ZC3H11A: variants seen among roughly 807,000 people sequenced by gnomAD.
The protein encoded by ZC3H11A is zinc finger CCCH domain-containing protein 11A.
A neutral mutation model predicts 90.8 loss-of-function variants in ZC3H11A; 22 were observed. The observed-to-expected ratio is 0.24, with a 90% CI of 0.17 to 0.35. The LOEUF is 0.35. ZC3H11A is among the 10% of genes least tolerant of loss of function. The pLI is 1.00. For synonymous variants in ZC3H11A, 294 were observed against 339.8 expected (o/e 0.87, Z 1.48); for missense variants, 701 against 964.9 (o/e 0.73, Z 3.62).
intron 1 of ZC3H11A, chr1:203,798,294 T>A: frequency 6.5e-7 from 1 of 1,536,172 alleles, no homozygotes. Flanking sequence ...CAAGCATGCT[T>A]TAATTCCTGG....
In ZC3H11A at chr1:203,833,107, C is replaced by T. The variant is rs529706756; in HGVS notation, c.812-684C>T. ...AAATTAGGCTGGGTGTGGTGGCTCA[C>T]GCCTGTAATCCCGGCACTTTGGGAG... On this transcript the variant is annotated intron_variant, in intron 9 of 17. Coordinates refer to ENST00000367210, the MANE Select transcript of ZC3H11A (RefSeq NM_001376342.1). Among the ~76,000 whole-genome samples the T allele has an allele frequency of 2.8e-4, 42 of 152,206 alleles. No homozygotes were observed. The East Asian group carries it at 5.8e-3, about 21-fold the overall frequency.
chr1:203,807,323 T>C (rs1288389445), intron 2 of ZC3H11A, among the ~76,000 whole-genome samples: 1 of 152,234 alleles, frequency 6.6e-6, no homozygotes, highest in Non-Finnish European at 1.5e-5. Flanking sequence ...TCTTGCTCTT[T>C]TGCCCAGGTT....
At chr1:203,843,589 A>G (rs1426102014) in intron 12 of ZC3H11A, among the ~76,000 whole-genome samples, 2 of 152,220 alleles carry the variant, frequency 1.3e-5, no homozygotes, top group African/African-American at 2.4e-5. Flanking sequence ...CCACTCTGCC[A>G]TTGTAGAATG....
intron 7 of ZC3H11A, 32 bp from the exon 8 acceptor site, chr1:203,830,091 G>A (rs369807465): frequency 3.8e-5 from 59 of 1,535,448 alleles, no homozygotes; most frequent in South Asian, 2.9e-4. Flanking sequence ...AAAGGCTCCC[G>A]TTCCTCATAA....
At chr1:203,804,487 C>A (rs150772519) in intron 2 of ZC3H11A, among the ~76,000 whole-genome samples, 1 of 152,006 alleles carries the variant, frequency 6.6e-6, no homozygotes, top group East Asian at 1.9e-4. Context: ...ATGGTCTCTT[C>A]CTGTATATCT....
intron 5 of ZC3H11A, 52 bp downstream of exon 5, chr1:203,828,474 A>G (rs1378508550): frequency 6.4e-7 from 1 of 1,551,612 alleles, no homozygotes; most frequent in Non-Finnish European, 8.7e-7. Context: ...CCTATTATGC[A>G]CACTGTACAA....
intron 2 of ZC3H11A, among the ~76,000 whole-genome samples, chr1:203,806,679 T>C (rs1194490590): frequency 1.3e-5 from 2 of 152,224 alleles, no homozygotes; most frequent in African/African-American, 4.8e-5. Flanking sequence ...GTTGAATGGG[T>C]GTCCTTTTTT....
Position 203,847,592 on chromosome 1 carries a change from G to T in ZC3H11A, c.1451G>T (p.Arg484Met). ...LEEIKLEKALRVQQSSESSTS... is the reference protein window; with the variant it reads ...LEEIKLEKALMVQQSSESSTS... ...GAAATTAAACTGGAGAAGGCACTGAGGGTGCAGCAGAGCTCTGAGAGCAGC... is the reference window on the plus strand; with the variant it reads ...GAAATTAAACTGGAGAAGGCACTGATGGTGCAGCAGAGCTCTGAGAGCAGC... Residue 484 changes from arginine (R) to methionine (M), a missense_variant, in exon 13 of 18, where the codon AGG (arginine) becomes ATG (methionine). This residue lies in a region of ZC3H11A where 530 missense variants were observed against 696.2 expected (regional missense o/e 0.76). Transcript: ENST00000367210. 6.2e-7 allele frequency: 1 copy of T among 1,613,710 alleles called. No individual in the cohort carries two copies. Among genetic ancestry groups the T allele is most frequent in the Non-Finnish European group, 8.5e-7 (1 of 1,179,938 alleles).
chr1:203,821,583 G>T (rs992483030), intron 4 of ZC3H11A, among the ~76,000 whole-genome samples: 2 of 152,074 alleles, frequency 1.3e-5, no homozygotes, highest in African/African-American at 2.4e-5. Flanking sequence ...CTTCAGCCCT[G>T]TATTCGGCCA....
In ZC3H11A at chr1:203,838,045, T is replaced by C; in HGVS notation, c.954T>C (p.Ile318=). 6.2e-7 allele frequency: 1 copy of C among 1,614,206 alleles called. No individual in the cohort carries two copies. The highest frequency in any genetic ancestry group is 1.3e-5 in the African/African-American group (1 of 75,066). The stretch of plus-strand genomic sequence containing the variant: ...AAGTTGAAGCTCCAGAAACTAACAT[T>C]GACAAAACACCAAAGAAAGGTACCT... The part of the protein sequence containing the change: ...GKKVEAPETN[I]DKTPKKAQVS... The change falls in exon 11 of 18, where the codon ATT becomes ATC. Residue 318 remains isoleucine (I), a synonymous_variant. Transcript: ENST00000367210.
intron 4 of ZC3H11A, among the ~76,000 whole-genome samples, chr1:203,820,509 G>A (rs931521981): frequency 7.1e-5 from 9 of 125,966 alleles, no homozygotes; most frequent in African/African-American, 1.4e-4. Context: ...ACAGAGTCTC[G>A]CGCTGTTACC....
chr1:203,829,219 G>T (rs6665955), intron 5 of ZC3H11A: 561,801 of 565,868 alleles, frequency 0.99, 278,995 homozygotes, highest in East Asian at 1. Flanking sequence ...GTCTTCTGTT[G>T]ATTCTGTTTT....
chr1:203,823,863 C>T (rs1174935588), intron 4 of ZC3H11A, among the ~76,000 whole-genome samples: 1 of 152,054 alleles, frequency 6.6e-6, no homozygotes, highest in Non-Finnish European at 1.5e-5. Flanking sequence ...CTGTAGAGTG[C>T]CAGGTAGCTG....
At chr1:203,811,556 T>C (rs1454609761) in intron 2 of ZC3H11A, among the ~76,000 whole-genome samples, 1 of 152,190 alleles carries the variant, frequency 6.6e-6, no homozygotes, top group Non-Finnish European at 1.5e-5. Flanking sequence ...TTGCCTAGTC[T>C]GGAGTGCAGT....
chr1:203,849,631 T>A, intron 14 of ZC3H11A, 80 bp from the exon 15 acceptor site: 1 of 1,352,282 alleles, frequency 7.4e-7, no homozygotes, highest in Non-Finnish European at 1.0e-6. Flanking sequence ...CTGCTTAACT[T>A]AGATGTTAGC....
chr1:203,815,926 A>G (rs897673953), intron 2 of ZC3H11A, among the ~76,000 whole-genome samples: 2 of 152,188 alleles, frequency 1.3e-5, no homozygotes, highest in African/African-American at 4.8e-5. Context: ...AGGGTATGCC[A>G]TGGACTAGGG....
At chr1:203,804,833 C>T (rs182674363) in intron 2 of ZC3H11A, among the ~76,000 whole-genome samples, 72 of 151,720 alleles carry the variant, frequency 4.7e-4, no homozygotes, top group African/African-American at 1.5e-3. Flanking sequence ...CCACCATGCC[C>T]GGCTGATTTT....
chr1:203,797,554 C>T (rs896858632), intron 1 of ZC3H11A: 2 of 1,526,534 alleles, frequency 1.3e-6, no homozygotes, highest in Admixed American at 2.1e-5. Context: ...GTACCAGTTT[C>T]TTCACTCTCT....
At chr1:203,838,090 G>T in intron 11 of ZC3H11A, 26 bp downstream of exon 11, 1 of 1,601,414 alleles carries the variant, frequency 6.2e-7, no homozygotes, top group Non-Finnish European at 8.5e-7. Flanking sequence ...CATACTTTGT[G>T]TGTGTATGTA....
Sources: allele counts gnomAD v4.1 joint callset (sites outside exome capture counted in the v4.1 genomes callset), GRCh38; gene constraint gnomAD v4.1.1; regional missense constraint gnomAD v4.1.1; transcripts MANE v1.5; gene names NCBI Gene and HGNC (gene_info 2026-07-23, HGNC 2026-07-21).